Variants in GNA12 observed in about 807,000 individuals in gnomAD.
GNA12 encodes G protein subunit alpha 12.
GNA12 carries 9 observed loss-of-function variants against 26.0 expected under a neutral mutation model. That is an observed-to-expected ratio of 0.35 (90% CI 0.21 to 0.60). GNA12 has a LOEUF of 0.60. GNA12 is among the 20% of genes least tolerant of loss of function. The pLI, the probability that GNA12 is intolerant of heterozygous loss-of-function variation, is 0.78. For missense variants in GNA12, 405 were observed against 525.8 expected (o/e 0.77, Z 2.25); for synonymous variants, 264 against 219.6 (o/e 1.20, Z -1.79).
chr7:2,753,908 G>T (rs1009825541), intron 2 of GNA12, among the ~76,000 whole-genome samples: 2 of 152,126 alleles, frequency 1.3e-5, no homozygotes, highest in African/African-American at 4.8e-5. Context: ...ATGTGGCAGG[G>T]AGAGCTCATG....
intron 2 of GNA12, among the ~76,000 whole-genome samples, chr7:2,743,038 C>A (rs951759369): frequency 6.6e-6 from 1 of 152,116 alleles, no homozygotes; most frequent in Non-Finnish European, 1.5e-5. Flanking sequence ...TCTTTTTGGC[C>A]AGGAGAACAA....
At chr7:2,763,120 C>T (rs748316585) in intron 2 of GNA12, 7 of 1,240,314 alleles carry the variant, frequency 5.6e-6, no homozygotes, top group Admixed American at 8.4e-5. Flanking sequence ...AGTCATCTTC[C>T]TCTCTCTTCT....
chr7:2,794,254 G>C (rs917080274), intron 2 of GNA12, among the ~76,000 whole-genome samples: 1 of 152,212 alleles, frequency 6.6e-6, no homozygotes, highest in African/African-American at 2.4e-5. Flanking sequence ...GCAAACGGCT[G>C]TGAGAGTGAG....
intron 2 of GNA12, among the ~76,000 whole-genome samples, chr7:2,769,821 C>T (rs954993111): frequency 2.0e-5 from 3 of 152,092 alleles, no homozygotes; most frequent in Non-Finnish European, 4.4e-5. Flanking sequence ...TCCTAATGAA[C>T]AAGGGTTTAA....
At position 2,730,950 on chromosome 7, in the gene GNA12, G is replaced by A. The variant is rs1279644656; in HGVS notation, c.*231C>T. The A allele has an allele frequency of 3.8e-6, 2 of 521,818 alleles. No homozygotes were observed. Among genetic ancestry groups the A allele is most frequent in the African/African-American group, 3.8e-5 (2 of 52,864 alleles). 32.3% of individuals were successfully genotyped at this position (521,818 alleles called of 1,614,324 possible). A position where few individuals can be genotyped will look rare whatever the true frequency, so the allele number is the denominator to read the frequency against. On this transcript the variant is annotated 3_prime_UTR_variant, in exon 4 of 4. Transcript: ENST00000275364. The stretch of plus-strand genomic sequence containing the variant: ...TCCGTATTCACAACATCATCACTCG[G>A]ATTTTCAGTAGTTTCACTCGCCCCC...
At chr7:2,763,061 A>G (rs1791643862) in intron 2 of GNA12, 1 of 1,246,294 alleles carries the variant, frequency 8.0e-7, no homozygotes, top group South Asian at 3.7e-5. Flanking sequence ...CAGGACGCAG[A>G]CCGGGGCTCC....
intron 1 of GNA12, among the ~76,000 whole-genome samples, chr7:2,821,863 A>C (rs930962296): frequency 2.6e-5 from 4 of 152,214 alleles, no homozygotes; most frequent in Non-Finnish European, 2.9e-5. Flanking sequence ...TTTGGCTTTC[A>C]AGTTCCCTAA....
intron 3 of GNA12, among the ~76,000 whole-genome samples, chr7:2,732,538 C>G (rs1037638926): frequency 6.6e-5 from 10 of 152,014 alleles, no homozygotes; most frequent in African/African-American, 2.4e-4. Context: ...AGAGTGAGAC[C>G]CTGTCTCAAA....
At chr7:2,742,659 C>A (rs532912973) in intron 2 of GNA12, among the ~76,000 whole-genome samples, 1 of 152,172 alleles carries the variant, frequency 6.6e-6, no homozygotes, top group Non-Finnish European at 1.5e-5. Context: ...TCCCTGTCCC[C>A]GCAAACACCT....
At chr7:2,763,071 C>T in intron 2 of GNA12, 1 of 1,248,058 alleles carries the variant, frequency 8.0e-7, no homozygotes, top group Admixed American at 4.2e-5. Context: ...ACCGGGGCTC[C>T]CTACCAGCCT....
At chr7:2,798,784 T>C (rs545478019) in intron 1 of GNA12, among the ~76,000 whole-genome samples, 16 of 152,242 alleles carry the variant, frequency 1.1e-4, no homozygotes, top group South Asian at 2.1e-4. Flanking sequence ...CTGTGTGGTA[T>C]TGGTGAGGTG....
chr7:2,810,797 T>C (rs1463934266), intron 1 of GNA12, among the ~76,000 whole-genome samples: 1 of 151,618 alleles, frequency 6.6e-6, no homozygotes, highest in Non-Finnish European at 1.5e-5. Context: ...ACGTGGGAGG[T>C]TGAGGCAAGA....
chr7:2,741,938 C>T (rs747141275), intron 2 of GNA12, among the ~76,000 whole-genome samples: 1 of 151,774 alleles, frequency 6.6e-6, no homozygotes, highest in Non-Finnish European at 1.5e-5. Flanking sequence ...CCATTTCCCT[C>T]CTCTAGCACA....
At chr7:2,827,588 G>C (rs1226730013) in intron 1 of GNA12, among the ~76,000 whole-genome samples, 1 of 152,144 alleles carries the variant, frequency 6.6e-6, no homozygotes, top group African/African-American at 2.4e-5. Flanking sequence ...CCACGCTGAG[G>C]ACAGTGGGGC....
At chr7:2,803,600 A>G (rs1024351491) in intron 1 of GNA12, among the ~76,000 whole-genome samples, 2 of 152,200 alleles carry the variant, frequency 1.3e-5, no homozygotes, top group African/African-American at 4.8e-5. Context: ...ACAGGAGGGG[A>G]TGGCTTAGAA....
At chr7:2,832,410 C>G (rs1421871853) in intron 1 of GNA12, among the ~76,000 whole-genome samples, 1 of 152,350 alleles carries the variant, frequency 6.6e-6, no homozygotes, top group Non-Finnish European at 1.5e-5. Context: ...TGGCCTTTCC[C>G]AGTTGAGACC....
intron 2 of GNA12, among the ~76,000 whole-genome samples, chr7:2,787,634 A>T (rs1296552872): frequency 3.3e-5 from 5 of 152,234 alleles, no homozygotes; most frequent in African/African-American, 7.2e-5. Flanking sequence ...ACAGAGGCTT[A>T]AACAAGATAG....
At position 2,843,985 on chromosome 7, in the gene GNA12, C is replaced by G; in HGVS notation, c.177G>C (p.Lys59Asn). Residue 59 changes from lysine to asparagine, a missense_variant, in exon 1 of 4, where the codon AAG (lysine) becomes AAC (asparagine). Physicochemically the swap from Lys to Asn is moderately conservative, Grantham distance 94. Coordinates refer to ENST00000275364, the MANE Select transcript of GNA12 (RefSeq NM_007353.3). ...RERRAVRRLV[K>N]ILLLGAGESG... ...TCTCGCCCGCGCCCAGCAGCAGGAT[C>G]TTCACCAGGCGCCGGACCGCGCGCC... 6.3e-7 allele frequency: 1 copy of G among 1,581,722 alleles called. No individual in the cohort carries two copies. Among genetic ancestry groups the G allele is most frequent in the Non-Finnish European group, 8.6e-7 (1 of 1,166,292 alleles).
chr7:2,794,585 G>A (rs911223456), intron 2 of GNA12: 1 of 273,122 alleles, frequency 3.7e-6, no homozygotes, highest in East Asian at 9.2e-5. Flanking sequence ...CAGGTCCAAA[G>A]TGGGAAGCTG....
Sources: gnomAD v4.1 joint callset for allele counts (sites outside exome capture counted in the v4.1 genomes callset) on GRCh38, gnomAD v4.1.1 for gene constraint, MANE v1.5 for transcripts, NCBI Gene and HGNC (gene_info 2026-07-23, HGNC 2026-07-21) for gene names.